Variants in VSTM1 observed in about 807,000 individuals in gnomAD.
The protein encoded by VSTM1 is V-set and transmembrane domain containing 1, also known as V-set and transmembrane domain-containing protein 1.
In VSTM1, 27 loss-of-function variants were observed where a neutral mutation model predicts 33.1. The ratio of observed to expected loss-of-function variants is 0.82; its 90% confidence interval spans 0.60 to 1.12. VSTM1 has a LOEUF of 1.12. VSTM1 is among the 50% of genes most tolerant of loss of function. The pLI is 0.00. For missense variants in VSTM1, 304 were observed against 288.9 expected, an observed-to-expected ratio of 1.05 and a Z score of -0.38; for synonymous variants, 115 against 110.3, an observed-to-expected ratio of 1.04 and a Z score of -0.27.
rs779173655 is a variant in VSTM1, at chr19:54,058,479, C to T, written c.182G>A (p.Arg61His). ...CTTGTACCCAGAGTCGTTCACCTTGCGCAGCACAAATGTCACATTCTGGGA... is the reference window on the plus strand; with the variant it reads ...CTTGTACCCAGAGTCGTTCACCTTGTGCAGCACAAATGTCACATTCTGGGA... ...AHSQNVTFVL[R>H]KVNDSGYKQE... The change falls in exon 3 of 9, where the codon CGC (arginine) becomes CAC (histidine). Residue 61 changes from arginine (R) to histidine (H), a missense_variant. Coordinates refer to ENST00000338372, the MANE Select transcript of VSTM1 (RefSeq NM_198481.4). 46 of 1,613,946 alleles carry T rather than the reference C, an allele frequency of 2.9e-5. No homozygotes were observed. The highest frequency in any genetic ancestry group is 3.3e-5 in the South Asian group (3 of 91,082).
rs1434742969 is a variant in VSTM1 at position 54,063,880 on chromosome 19, C to G, written c.-103G>C. ...GCTCTCCGGCTGCCCGGTTCGTCCC[C>G]AGGATGTGCAGATAGAGGAGGTTTT... On this transcript the variant is annotated 5_prime_UTR_variant, in exon 1 of 9. Transcript: ENST00000338372. 1 of 1,289,022 alleles carries G rather than the reference C, an allele frequency of 7.8e-7. No individual in the cohort carries two copies. Among genetic ancestry groups the G allele is most frequent in the Non-Finnish European group, 1.1e-6 (1 of 931,250 alleles). The allele number at this position is 1,289,022 out of a possible 1,614,324, so 79.8% of individuals were successfully genotyped here.
At chr19:54,042,020 G>T (rs67563163) in intron 6 of VSTM1, 67 bp from the exon 7 acceptor site, 467,011 of 1,607,552 alleles carry the variant, frequency 0.29, 71,042 homozygotes, top group Non-Finnish European at 0.32. Flanking sequence ...GAGGGCAATG[G>T]AGGGGAGAGG....
In VSTM1 at chr19:54,063,791, C is replaced by G. The variant is rs2071515440; in HGVS notation, c.-14G>C. The G allele has an allele frequency of 6.2e-7, 1 of 1,613,698 alleles. No individual in the cohort carries two copies. The highest frequency in any genetic ancestry group is 8.5e-7 in the Non-Finnish European group (1 of 1,179,858). On this transcript the variant is annotated 5_prime_UTR_variant, in exon 1 of 9. Coordinates refer to ENST00000338372, the MANE Select transcript of VSTM1 (RefSeq NM_198481.4). ...TTCTGCGGTCATAGCGTCCCTTCTG[C>G]CAGAACCAAGGCCCCGCCTTGGGTT...
intron 3 of VSTM1, among the ~76,000 whole-genome samples, chr19:54,056,884 G>T (rs1474653410): frequency 1.5e-5 from 2 of 137,914 alleles, no homozygotes; most frequent in African/African-American, 2.7e-5. Flanking sequence ...ACGGAGTCTT[G>T]CTCTTTCATC....
In VSTM1 at chr19:54,056,984, T is replaced by A. The variant is rs1399196257; in HGVS notation, c.355+1322A>T. ...TCTCTTCCTGCCTCAGCCTCCCTAG[T>A]AGCTGGGATTACAGGCGCCTGCCAC... On this transcript the variant is annotated intron_variant, in intron 3 of 8. Coordinates refer to ENST00000338372, the MANE Select transcript of VSTM1 (RefSeq NM_198481.4). Among the ~76,000 whole-genome samples the A allele has an allele frequency of 1.4e-5, 2 of 140,226 alleles. 1 individual carries two copies. The highest frequency in any genetic ancestry group is 3.1e-5 in the Non-Finnish European group (2 of 63,788). 92.0% of individuals were successfully genotyped at this position (140,226 alleles called of 152,430 possible). A position where few individuals can be genotyped will look rare whatever the true frequency, so the allele number is the denominator to read the frequency against.
chr19:54,042,824 A>G (rs181783263), intron 4 of VSTM1, among the ~76,000 whole-genome samples: 878 of 59,914 alleles, frequency 0.015, 17 homozygotes, highest in Non-Finnish European at 0.021. Context: ...ATATATATAT[A>G]TATATATATA....
chr19:54,052,851 C>A (rs7343122), intron 3 of VSTM1: 141,940 of 147,264 alleles, frequency 0.96, 69,298 homozygotes, highest in Middle Eastern at 1. Flanking sequence ...GCATGATGGC[C>A]TGTGCCTGTA....
chr19:54,056,151 C>A (rs565932651), intron 3 of VSTM1, among the ~76,000 whole-genome samples: 4 of 137,896 alleles, frequency 2.9e-5, no homozygotes, highest in Non-Finnish European at 6.3e-5. Context: ...CAGGGACAGC[C>A]TCTACACCCC....
At chr19:54,044,905 CTT>C (rs1303314313) in intron 4 of VSTM1, among the ~76,000 whole-genome samples, 1 of 152,068 alleles carries the variant, frequency 6.6e-6, no homozygotes, top group African/African-American at 2.4e-5. Context: ...AGTCGTGAGA[CTT>C]TAAGGAGTAA....
In VSTM1 at chr19:54,052,137, G is replaced by A. The variant is rs189829129; in HGVS notation, c.356-689C>T. Among the ~76,000 whole-genome samples the A allele has an allele frequency of 8.0e-4, 122 of 151,850 alleles. 2 individuals carry two copies. Among genetic ancestry groups the A allele is most frequent in the Non-Finnish European group, 2.5e-4 (17 of 67,918 alleles). On this transcript the variant is annotated intron_variant, in intron 3 of 8. Transcript: ENST00000338372. Reference sequence around the variant, plus strand: ...TACTTGGCCGGGCGCAGTGGCTCACGCCTGTAATCCCAGCACTTTGGGAGG... The same window carrying A: ...TACTTGGCCGGGCGCAGTGGCTCACACCTGTAATCCCAGCACTTTGGGAGG...
At chr19:54,063,707 C>CA in intron 1 of VSTM1, 37 bp downstream of exon 1, 2 of 1,612,262 alleles carry the variant, frequency 1.2e-6, no homozygotes, top group Non-Finnish European at 1.7e-6. Context: ...TTTTTCTCAC[C>CA]AGCCCAAGCC....
rs184586877 is a variant in VSTM1, at chr19:54,042,379, G to A, written c.395-10C>T. ...AAGATGGTTCTGGTGTCTGGAGGGG[G>A]AAGAGCAGGTCAGGGAATCAGCCTG... On this transcript the variant is annotated splice_polypyrimidine_tract_variant and intron_variant, in intron 4 of 8. Coordinates refer to ENST00000338372, the MANE Select transcript of VSTM1 (RefSeq NM_198481.4). The A allele has an allele frequency of 4.2e-5, 68 of 1,612,462 alleles. No homozygotes were observed. In the African/African-American group the frequency reaches 7.3e-4, roughly 17 times the overall value.
intron 4 of VSTM1, among the ~76,000 whole-genome samples, chr19:54,042,728 C>T (rs2070351749): frequency 7.1e-6 from 1 of 140,244 alleles, no homozygotes; most frequent in South Asian, 2.3e-4. Flanking sequence ...GTTCCAGGTG[C>T]TCCATATATA....
intron 1 of VSTM1, among the ~76,000 whole-genome samples, chr19:54,063,400 T>C (rs1357327601): frequency 2.0e-5 from 3 of 152,288 alleles, no homozygotes; most frequent in South Asian, 2.1e-4. Flanking sequence ...AATTGTCTTT[T>C]TGCCCACAGC....
intron 1 of VSTM1, 119 bp downstream of exon 1, chr19:54,063,625 C>T: frequency 7.8e-7 from 1 of 1,284,262 alleles, no homozygotes; most frequent in Non-Finnish European, 1.1e-6. Context: ...CCACCCACCG[C>T]AGGTGTGCAA....
chr19:54,041,655 C>G (rs1209575893), intron 8 of VSTM1, 124 bp downstream of exon 8: 7 of 1,125,800 alleles, frequency 6.2e-6, no homozygotes, highest in Admixed American at 2.7e-5. Context: ...AGTTTCGTGA[C>G]TTGTCTAAGA....
In VSTM1 at chr19:54,041,095, G is replaced by T. The variant is rs760964803; in HGVS notation, c.592-15C>A. 6 of 1,565,368 alleles carry T rather than the reference G, an allele frequency of 3.8e-6. No homozygotes were observed. Among genetic ancestry groups the T allele is most frequent in the Non-Finnish European group, 5.2e-6 (6 of 1,161,212 alleles). ...GGGTCTGCCGTCTTTGGAGAAAATA[G>T]ATGAATATTAGAACTGAGTGTTCAA... On this transcript the variant is annotated splice_polypyrimidine_tract_variant and intron_variant, in intron 8 of 8. Transcript: ENST00000338372.
Position 54,051,456 on chromosome 19 carries a change from A to G in VSTM1, c.356-8T>C, listed in dbSNP as rs2070838020. 11 of 1,594,600 alleles carry G rather than the reference A, an allele frequency of 6.9e-6. No homozygotes were observed. Among genetic ancestry groups the G allele is most frequent in the Non-Finnish European group, 9.4e-6 (11 of 1,174,390 alleles). On this transcript the variant is annotated splice_region_variant and splice_polypyrimidine_tract_variant and intron_variant, in intron 3 of 8. Transcript: ENST00000338372. ...CAAGTTCATCGTGTTTATCTAGAAA[A>G]TAGGAGGGAAGAAAAGGAATTACAC...
chr19:54,042,122 A>G (rs180824973), intron 6 of VSTM1, 47 bp downstream of exon 6: 108 of 1,584,762 alleles, frequency 6.8e-5, no homozygotes, highest in Admixed American at 2.6e-4. Context: ...GGTTCCCTTG[A>G]GAATGACATG....
Sources: allele counts gnomAD v4.1 joint callset (sites outside exome capture counted in the v4.1 genomes callset), GRCh38; gene constraint gnomAD v4.1.1; transcripts MANE v1.5; gene names NCBI Gene and HGNC (gene_info 2026-07-23, HGNC 2026-07-21).